Variants in ASIC2 observed in about 807,000 individuals in gnomAD.
ASIC2 encodes acid sensing ion channel subunit 2.
A neutral mutation model predicts 57.3 loss-of-function variants in ASIC2; 25 were observed. The observed-to-expected ratio is 0.44, with a 90% CI of 0.32 to 0.61. ASIC2 has a LOEUF of 0.61. Ranked by LOEUF, ASIC2 falls within the 20% of genes least tolerant of loss-of-function variation. The pLI is 0.06. For synonymous variants in ASIC2, 319 were observed against 307.5 expected, an observed-to-expected ratio of 1.04 and a Z score of -0.39; for missense variants, 641 against 738.1, an observed-to-expected ratio of 0.87 and a Z score of 1.52.
chr17:33,267,242 A>C (rs1370121481), intron 1 of ASIC2, among the ~76,000 whole-genome samples: 1 of 151,816 alleles, frequency 6.6e-6, no homozygotes, highest in Non-Finnish European at 1.5e-5. Context: ...TACCCCCCCC[A>C]GGAAGCAAGG....
intron 1 of ASIC2, among the ~76,000 whole-genome samples, chr17:33,745,569 G>A (rs1910235415): frequency 6.7e-6 from 1 of 148,914 alleles, no homozygotes; most frequent in South Asian, 2.1e-4. Context: ...TCACATAAAA[G>A]GGAAACCCAA....
At chr17:33,304,125 T>C (rs1159060205) in intron 1 of ASIC2, among the ~76,000 whole-genome samples, 2 of 152,236 alleles carry the variant, frequency 1.3e-5, no homozygotes, top group Non-Finnish European at 2.9e-5. Flanking sequence ...ATGATGGTGA[T>C]ACCACGTCAT....
Position 33,889,945 on chromosome 17 carries a change from G to T in ASIC2, c.555+266033C>A, listed in dbSNP as rs7207140. ...GAAGAAGCGTTATGTTCCAAGATAA[G>T]CATGTCCTCCTTCTAGCATTTGTAT... is the stretch of plus-strand genomic sequence containing the variant. On this transcript the variant is annotated intron_variant, in intron 1 of 9. Coordinates refer to the ASIC2 transcript ENST00000359872. Among the ~76,000 whole-genome samples, 1,202 of 152,276 alleles carry T rather than the reference G, an allele frequency of 7.9e-3. 14 individuals carry two copies. The highest frequency in any genetic ancestry group is 0.026 in the African/African-American group (1,062 of 41,550).
rs745608535 is a variant in ASIC2, at chr17:34,156,127, C to T, written c.406G>A (p.Ala136Thr). 7.4e-6 allele frequency: 12 copies of T among 1,614,078 alleles called. No individual in the cohort carries two copies. In the South Asian group the frequency reaches 1.3e-4, roughly 18 times the overall value. Reference sequence around the variant, plus strand: ...TTGAAGTTGGCCTTCTGCCGCAGGGCCTCCAGCACGGAGGGGTCAGCCAGA... The same window carrying T: ...TTGAAGTTGGCCTTCTGCCGCAGGGTCTCCAGCACGGAGGGGTCAGCCAGA... The change falls in exon 1 of 10, where the codon GCC (alanine) becomes ACC (threonine). Residue 136 changes from alanine (A) to threonine (T), a missense_variant. Ala to Thr is a moderately conservative substitution (Grantham distance 58). Coordinates refer to the ASIC2 transcript ENST00000359872. The surrounding 1 kb of genome is among the most constrained non-coding windows in gnomAD (Gnocchi z 4.4).
chr17:33,519,801 A>G (rs1206592219), intron 1 of ASIC2, among the ~76,000 whole-genome samples: 1 of 152,088 alleles, frequency 6.6e-6, no homozygotes, highest in African/African-American at 2.4e-5. Flanking sequence ...ACCTCACTTC[A>G]GGCCACCCAC....
At chr17:33,181,250 T>C (rs966591725) in intron 1 of ASIC2, among the ~76,000 whole-genome samples, 1 of 152,102 alleles carries the variant, frequency 6.6e-6, no homozygotes, top group Non-Finnish European at 1.5e-5. Flanking sequence ...TTGTTGTGTG[T>C]AAAATAAGGA....
chr17:34,027,508 C>T (rs981419752), intron 1 of ASIC2, among the ~76,000 whole-genome samples: 1 of 152,146 alleles, frequency 6.6e-6, no homozygotes, highest in African/African-American at 2.4e-5. Flanking sequence ...ATCTTTTGCT[C>T]CCCAAACCAA....
At chr17:33,372,155 G>A (rs778889755) in intron 1 of ASIC2, among the ~76,000 whole-genome samples, 3 of 152,096 alleles carry the variant, frequency 2.0e-5, no homozygotes, top group African/African-American at 4.8e-5. Context: ...TTCCTGCTGC[G>A]AGTGTCCATG....
At chr17:33,628,905 C>T (rs1248970340) in intron 1 of ASIC2, among the ~76,000 whole-genome samples, 1 of 152,192 alleles carries the variant, frequency 6.6e-6, no homozygotes, top group East Asian at 1.9e-4. Context: ...TGCTCTTAGC[C>T]CTGCACTGTG....
chr17:33,936,079 C>G (rs903712398), intron 1 of ASIC2: 1 of 152,110 alleles, frequency 6.6e-6, no homozygotes, highest in Non-Finnish European at 1.5e-5. Context: ...GTGTGGGGAT[C>G]GAACAGGAGA....
chr17:33,773,999 A>G (rs1362274982), intron 1 of ASIC2, among the ~76,000 whole-genome samples: 1 of 152,052 alleles, frequency 6.6e-6, no homozygotes. Flanking sequence ...CTTCCTGGGA[A>G]GTATGCAGCA....
intron 1 of ASIC2, among the ~76,000 whole-genome samples, chr17:33,191,116 A>C (rs2142068140): frequency 6.6e-6 from 1 of 152,320 alleles, no homozygotes; most frequent in South Asian, 2.1e-4. Context: ...AAAATGGTAT[A>C]CCTACACAAT....
At chr17:33,155,277 C>T (rs1355833113) in intron 1 of ASIC2, among the ~76,000 whole-genome samples, 2 of 152,262 alleles carry the variant, frequency 1.3e-5, no homozygotes, top group Admixed American at 1.3e-4. Context: ...ATTCAAGCGC[C>T]GGGTGGGCGC....
At chr17:34,147,310 TA>T (rs1567616029) in intron 1 of ASIC2, among the ~76,000 whole-genome samples, 1 of 152,240 alleles carries the variant, frequency 6.6e-6, no homozygotes, top group East Asian at 1.9e-4. Context: ...ACAGAGGTCA[TA>T]AATCCAGGCA....
intron 1 of ASIC2, among the ~76,000 whole-genome samples, chr17:33,431,228 C>G (rs1911406071): frequency 6.6e-6 from 1 of 152,110 alleles, no homozygotes; most frequent in Admixed American, 6.6e-5. Flanking sequence ...AATTGACCAA[C>G]CAGGAGTACC....
At chr17:33,095,784 C>G (rs3925478) in intron 2 of ASIC2, among the ~76,000 whole-genome samples, 109,037 of 152,218 alleles carry the variant, frequency 0.72, 40,423 homozygotes, top group East Asian at 0.87. Flanking sequence ...GCATTCTTGT[C>G]TTGGGTGGCT....
chr17:33,856,993 C>A (rs150939599), intron 1 of ASIC2, among the ~76,000 whole-genome samples: 1 of 151,976 alleles, frequency 6.6e-6, no homozygotes, highest in African/African-American at 2.4e-5. Flanking sequence ...CCAAGGGGAC[C>A]CCACCTAAGG....
intron 1 of ASIC2, among the ~76,000 whole-genome samples, chr17:33,997,043 T>C (rs1407211626): frequency 6.6e-6 from 1 of 152,188 alleles, no homozygotes; most frequent in Non-Finnish European, 1.5e-5. Flanking sequence ...TGTTTTCTAG[T>C]TTTATGTGCA....
Position 33,746,382 on chromosome 17 carries a change from C to CA in ASIC2, c.555+409595_555+409596insT, listed in dbSNP as rs1597859474. On this transcript the variant is annotated intron_variant, in intron 1 of 9. Coordinates refer to the ASIC2 transcript ENST00000359872. ...TATATATGTAGATATACATGTATAT[C>CA]TACATATATAGGTAGATACATGTAT... Among the ~76,000 whole-genome samples, 4 of 135,332 alleles carry CA rather than the reference C, an allele frequency of 3.0e-5. No individual in the cohort carries two copies. In the East Asian group the frequency reaches 9.4e-4, roughly 32 times the overall value. 88.8% of individuals were successfully genotyped at this position (135,332 alleles called of 152,430 possible).
Sources: allele counts gnomAD v4.1 joint callset (sites outside exome capture counted in the v4.1 genomes callset), GRCh38; gene constraint gnomAD v4.1.1; non-coding constraint Gnocchi (gnomAD v3.1); transcripts MANE v1.5; gene names NCBI Gene and HGNC (gene_info 2026-07-23, HGNC 2026-07-21).